The following ARID1B variants were observed in gnomAD, a reference collection of about 807,000 sequenced individuals.
The protein encoded by ARID1B is AT-rich interaction domain 1B.
A neutral mutation model predicts 212.3 loss-of-function variants in ARID1B; 30 were observed. The observed-to-expected ratio is 0.14, with a 90% confidence interval of 0.11 to 0.19. The LOEUF (loss-of-function observed/expected upper bound fraction) is 0.19. Ranked by LOEUF, ARID1B falls within the 10% of genes least tolerant of loss-of-function variation. ARID1B has a pLI of 1.00. For missense variants in ARID1B, 2,891 were observed against 3,204.0 expected (o/e 0.90, Z 2.36); for synonymous variants, 1,402 against 1,301.7 (o/e 1.08, Z -1.66).
intron 1 of ARID1B, among the ~76,000 whole-genome samples, chr6:156,782,991 G>A (rs1437660030): frequency 6.7e-6 from 1 of 149,958 alleles, no homozygotes; most frequent in East Asian, 1.9e-4. Flanking sequence ...TTTTTTTTTA[G>A]TGGTAGCCAC....
At chr6:156,800,789 C>G (rs1780725973) in intron 1 of ARID1B, among the ~76,000 whole-genome samples, 1 of 151,940 alleles carries the variant, frequency 6.6e-6, no homozygotes, top group South Asian at 2.1e-4. Context: ...TGCCTGTAGT[C>G]CCAGCTACCT....
chr6:157,014,958 CAAAT>C (rs1385957533), intron 4 of ARID1B, among the ~76,000 whole-genome samples: 1 of 151,466 alleles, frequency 6.6e-6, no homozygotes, highest in African/African-American at 2.4e-5. Context: ...AAGTAAAAAA[CAAAT>C]AATCAGATTA....
chr6:157,017,724 A>G (rs1052540723), intron 4 of ARID1B, among the ~76,000 whole-genome samples: 1 of 152,180 alleles, frequency 6.6e-6, no homozygotes, highest in Non-Finnish European at 1.5e-5. Flanking sequence ...ATGAGTAAAG[A>G]AGGCCTCATA....
At chr6:157,153,368 C>T (rs1381425466) in intron 8 of ARID1B, among the ~76,000 whole-genome samples, 4 of 152,196 alleles carry the variant, frequency 2.6e-5, no homozygotes, top group Non-Finnish European at 5.9e-5. Flanking sequence ...CAGAACCCTC[C>T]TCCTTCTACA....
intron 4 of ARID1B, among the ~76,000 whole-genome samples, chr6:157,067,042 A>G (rs1783714925): frequency 1.3e-5 from 2 of 152,148 alleles, no homozygotes; most frequent in Admixed American, 1.3e-4. Context: ...AGTTGTCTCT[A>G]CTTACTGAGT....
intron 1 of ARID1B, among the ~76,000 whole-genome samples, chr6:156,788,587 C>T (rs1779803611): frequency 6.6e-6 from 1 of 152,176 alleles, no homozygotes; most frequent in Non-Finnish European, 1.5e-5. Flanking sequence ...AAGTAGGCTT[C>T]TTGGAGATTT....
intron 4 of ARID1B, among the ~76,000 whole-genome samples, chr6:156,958,109 T>A (rs1794099552): frequency 6.6e-6 from 1 of 152,246 alleles, no homozygotes; most frequent in Non-Finnish European, 1.5e-5. Context: ...TTTGGCTTGT[T>A]GTCCACATCC....
intron 1 of ARID1B, among the ~76,000 whole-genome samples, chr6:156,803,099 G>A (rs1191906530): frequency 1.3e-5 from 2 of 151,910 alleles, no homozygotes; most frequent in Non-Finnish European, 2.9e-5. Context: ...TATAGCGATA[G>A]GTATATGTAA....
chr6:157,000,803 C>T (rs984102002), intron 4 of ARID1B, among the ~76,000 whole-genome samples: 2 of 146,070 alleles, frequency 1.4e-5, no homozygotes, highest in African/African-American at 2.5e-5. Context: ...AAACGATTCT[C>T]GTGCCTCAGC....
In ARID1B at chr6:157,148,513, G is replaced by A. The variant is rs945097667; in HGVS notation, c.2762-111G>A. ...AGCAGCAACAGGAAGGGCCTATAAC[G>A]GTCATGACTAATACTCCGTGCTGAT... On this transcript the variant is annotated intron_variant, in intron 7 of 19. Transcript: ENST00000636930. This position sits in a 1 kb window ranked among gnomAD's most constrained non-coding sequence, Gnocchi z 5.6. 5.8e-6 allele frequency: 7 copies of A among 1,207,076 alleles called. No homozygotes were observed. In the Admixed American group the frequency reaches 9.4e-5, roughly 16 times the overall value. The allele number at this position is 1,207,076 out of a possible 1,614,324, so 74.8% of individuals were successfully genotyped here.
Position 157,200,001 on chromosome 6 carries a change from C to T in ARID1B, c.4480-704C>T, listed in dbSNP as rs1459250647. ...CATTATTAAACCAACTGATCTTAAA[C>T]AGTTTTCAAGTAAAGTGGAAAACAT... On this transcript the variant is annotated intron_variant, in intron 17 of 19. Transcript: ENST00000636930. The surrounding 1 kb of genome is among the most constrained non-coding windows in gnomAD (Gnocchi z 4.3). Among the ~76,000 whole-genome samples the T allele has an allele frequency of 2.0e-5, 3 of 152,202 alleles. No individual in the cohort carries two copies. The highest frequency in any genetic ancestry group is 4.8e-5 in the African/African-American group (2 of 41,434).
intron 17 of ARID1B, among the ~76,000 whole-genome samples, chr6:157,199,799 G>C: frequency 6.6e-6 from 1 of 151,790 alleles, no homozygotes; most frequent in Non-Finnish European, 1.5e-5. Flanking sequence ...AAGCAGCTGG[G>C]ACTACAGGCA....
chr6:156,983,957 C>T (rs968253036), intron 4 of ARID1B, among the ~76,000 whole-genome samples: 8 of 152,176 alleles, frequency 5.3e-5, no homozygotes, highest in African/African-American at 1.9e-4. Flanking sequence ...GTTTGCTTTC[C>T]ATCTACATAT....
intron 11 of ARID1B, 138 bp downstream of exon 11, chr6:157,175,143 G>T: frequency 4.0e-6 from 3 of 757,036 alleles, no homozygotes; most frequent in South Asian, 5.9e-5. Context: ...TCCATGAAAG[G>T]GTTTTCTTTA....
chr6:157,017,400 G>A (rs1779971733), intron 4 of ARID1B, among the ~76,000 whole-genome samples: 1 of 152,082 alleles, frequency 6.6e-6, no homozygotes, highest in South Asian at 2.1e-4. Flanking sequence ...ACAGGAAGAT[G>A]TTCTTTTTGT....
chr6:157,121,943 A>C (rs1787752568), intron 6 of ARID1B, among the ~76,000 whole-genome samples: 1 of 152,184 alleles, frequency 6.6e-6, no homozygotes, highest in African/African-American at 2.4e-5. Context: ...ATAGCATTTT[A>C]TAAACTAGGT....
At chr6:156,797,399 G>GAA (rs1780458405) in intron 1 of ARID1B, among the ~76,000 whole-genome samples, 1 of 152,214 alleles carries the variant, frequency 6.6e-6, no homozygotes, top group Non-Finnish European at 1.5e-5. Context: ...TTGGAGAGGA[G>GAA]CTATCGCAGC....
At chr6:157,191,032 G>T (rs1793329061) in intron 15 of ARID1B, among the ~76,000 whole-genome samples, 1 of 152,188 alleles carries the variant, frequency 6.6e-6, no homozygotes, top group South Asian at 2.1e-4. Context: ...TTCGGTGTCT[G>T]TGGGCGTATT....
intron 4 of ARID1B, among the ~76,000 whole-genome samples, chr6:157,077,627 C>A (rs950719271): frequency 3.9e-5 from 6 of 152,188 alleles, no homozygotes; most frequent in Admixed American, 3.9e-4. Context: ...GGTTTGGACC[C>A]CAGTCCCTGG....
Sources: allele counts gnomAD v4.1 joint callset (sites outside exome capture counted in the v4.1 genomes callset), GRCh38; gene constraint gnomAD v4.1.1; non-coding constraint Gnocchi (gnomAD v3.1); transcripts MANE v1.5; gene names NCBI Gene and HGNC (gene_info 2026-07-23, HGNC 2026-07-21).